Variants in SHISA9 observed in about 807,000 individuals in gnomAD.
SHISA9 encodes protein shisa-9.
In SHISA9, 13 loss-of-function variants were observed where a neutral mutation model predicts 38.0. The observed-to-expected ratio is 0.34, with a 90% CI of 0.22 to 0.54. SHISA9 has a LOEUF of 0.54. SHISA9 is among the 20% of genes least tolerant of loss of function. The pLI, the probability that SHISA9 is intolerant of heterozygous loss-of-function variation, is 0.91. For synonymous variants in SHISA9, 275 were observed against 242.0 expected (o/e 1.14, Z -1.27); for missense variants, 538 against 575.8 (o/e 0.93, Z 0.67).
At chr16:13,136,298 A>G (rs986156582) in intron 2 of SHISA9, among the ~76,000 whole-genome samples, 1 of 151,656 alleles carries the variant, frequency 6.6e-6, no homozygotes, top group Non-Finnish European at 1.5e-5. Context: ...ATAAATAAAA[A>G]TTTCTTGCCA....
the SHISA9 span, among the ~76,000 whole-genome samples, chr16:13,445,597 C>T: frequency 2.6e-5 from 4 of 152,148 alleles, no homozygotes; most frequent in Non-Finnish European, 5.9e-5. Context: ...AATGTTTGGT[C>T]TTAATTCATA....
In SHISA9 at chr16:13,181,267, TTATATATATATATATATATATATATA is replaced by T. The variant is rs1156705123; in HGVS notation, c.692-22106_692-22081del. ...AGAAAGTCTTTCCTAAAATAAAATTTTATATATATATATATATATATATATATATATATATATATATATATACACAC... is the reference window on the plus strand; with the variant it reads ...AGAAAGTCTTTCCTAAAATAAAATTTTATATATATATATATATATACACAC... On this transcript the variant is annotated intron_variant, in intron 2 of 4. Transcript: ENST00000558583. 3.4e-4 allele frequency among the ~76,000 whole-genome samples: 27 copies of T among 80,106 alleles called. 1 individual carries two copies. The highest frequency in any genetic ancestry group is 5.1e-4 in the Non-Finnish European group (21 of 41,422). The allele number at this position is 80,106 out of a possible 152,430, so 52.6% of individuals were successfully genotyped here.
intron 2 of SHISA9, among the ~76,000 whole-genome samples, chr16:13,072,269 T>G (rs1328524271): frequency 6.6e-6 from 1 of 152,222 alleles, no homozygotes; most frequent in Non-Finnish European, 1.5e-5. Context: ...TCAAAGTTAA[T>G]GAAGCCTGTC....
chr16:13,234,469 G>A (rs1023006630), intron 4 of SHISA9, among the ~76,000 whole-genome samples: 4 of 152,184 alleles, frequency 2.6e-5, no homozygotes, highest in Non-Finnish European at 4.4e-5. Flanking sequence ...CTGCTGGCAG[G>A]TGTCACAGTT....
chr16:13,343,111 AT>A, the SHISA9 span, among the ~76,000 whole-genome samples: 1 of 152,142 alleles, frequency 6.6e-6, no homozygotes, highest in African/African-American at 2.4e-5. Context: ...TTTTTGTTTT[AT>A]TTTTGTCATG....
At chr16:13,355,881 G>C in the SHISA9 span, among the ~76,000 whole-genome samples, 1 of 152,202 alleles carries the variant, frequency 6.6e-6, no homozygotes, top group Non-Finnish European at 1.5e-5. Flanking sequence ...GAAAGCCTTG[G>C]GCCAGAGTTC....
rs941589645 is a variant in SHISA9 at position 13,110,510 on chromosome 16, A to G, written c.692-92884A>G. Among the ~76,000 whole-genome samples the G allele has an allele frequency of 2.0e-5, 3 of 152,202 alleles. No homozygotes were observed. In the East Asian group the frequency reaches 5.8e-4, roughly 29 times the overall value. ...GCTCCCTGTTTCTCTGGGACAAATG[A>G]GTCATGTTTGAGAAATGGTCCCTTT... On this transcript the variant is annotated intron_variant, in intron 2 of 4. Transcript: ENST00000558583.
chr16:13,281,569 T>C, the SHISA9 span, among the ~76,000 whole-genome samples: 12 of 150,966 alleles, frequency 7.9e-5, no homozygotes, highest in Admixed American at 2.0e-4. Context: ...CTGTTTTTTT[T>C]TTTCTTTCTT....
chr16:13,252,230 G>A, the SHISA9 span, among the ~76,000 whole-genome samples: 2 of 152,166 alleles, frequency 1.3e-5, no homozygotes, highest in Non-Finnish European at 2.9e-5. Context: ...CCTCCTTGCT[G>A]TTCCTCAAAT....
chr16:13,457,720 A>G, the SHISA9 span, among the ~76,000 whole-genome samples: 17 of 151,974 alleles, frequency 1.1e-4, no homozygotes, highest in African/African-American at 3.9e-4. Context: ...GCCACCAACA[A>G]ACACAGTCCC....
At chr16:13,047,173 C>T (rs2073197394) in intron 2 of SHISA9, among the ~76,000 whole-genome samples, 1 of 152,108 alleles carries the variant, frequency 6.6e-6, no homozygotes, top group South Asian at 2.1e-4. Context: ...TTAATACCTC[C>T]AGGATCAGTG....
At chr16:13,483,610 C>T in the SHISA9 span, among the ~76,000 whole-genome samples, 1 of 151,902 alleles carries the variant, frequency 6.6e-6, no homozygotes, top group Non-Finnish European at 1.5e-5. Flanking sequence ...GCTGACTTTC[C>T]CCAGCCCTCC....
intron 2 of SHISA9, among the ~76,000 whole-genome samples, chr16:12,971,490 G>A (rs1030384861): frequency 6.6e-6 from 1 of 152,210 alleles, no homozygotes; most frequent in Non-Finnish European, 1.5e-5. Flanking sequence ...AGCCACTGAA[G>A]CTTGGGAGAG....
chr16:13,332,845 T>TTCTC, the SHISA9 span, among the ~76,000 whole-genome samples: 1 of 152,202 alleles, frequency 6.6e-6, no homozygotes, highest in Non-Finnish European at 1.5e-5. Flanking sequence ...TACTCATGCC[T>TTCTC]TCTCCATCCA....
chr16:13,383,288 A>T, the SHISA9 span, among the ~76,000 whole-genome samples: 2 of 152,230 alleles, frequency 1.3e-5, no homozygotes, highest in Non-Finnish European at 2.9e-5. Flanking sequence ...CATGAAGAGG[A>T]AGCAGCAAGA....
At chr16:13,189,043 C>A (rs962121373) in intron 2 of SHISA9, among the ~76,000 whole-genome samples, 4 of 152,164 alleles carry the variant, frequency 2.6e-5, no homozygotes, top group Non-Finnish European at 4.4e-5. Context: ...TGCCAGGTAA[C>A]CATCAGAAGC....
At chr16:13,066,647 G>T (rs1216741401) in intron 2 of SHISA9, among the ~76,000 whole-genome samples, 2 of 152,202 alleles carry the variant, frequency 1.3e-5, no homozygotes, top group Non-Finnish European at 2.9e-5. Context: ...AACCATGCCT[G>T]CCTCATAAGG....
At chr16:13,296,620 A>G in the SHISA9 span, among the ~76,000 whole-genome samples, 1 of 151,988 alleles carries the variant, frequency 6.6e-6, no homozygotes, top group Non-Finnish European at 1.5e-5. Flanking sequence ...TTCCCTTTTT[A>G]TAGATACAAT....
chr16:12,905,078 A>G (rs189952316), intron 1 of SHISA9, among the ~76,000 whole-genome samples: 2 of 152,268 alleles, frequency 1.3e-5, no homozygotes, highest in African/African-American at 4.8e-5. Context: ...GCTGTTAAGG[A>G]AAAGGAACTA....
Sources: gnomAD v4.1 joint callset for allele counts (sites outside exome capture counted in the v4.1 genomes callset) on GRCh38, gnomAD v4.1.1 for gene constraint, MANE v1.5 for transcripts, NCBI Gene and HGNC (gene_info 2026-07-23, HGNC 2026-07-21) for gene names.